The following AGBL4 variants were observed in gnomAD, a reference collection of about 807,000 sequenced individuals.
AGBL4 encodes AGBL carboxypeptidase 4, also known as cytosolic carboxypeptidase 6.
Under a neutral mutation model 66.4 loss-of-function variants are expected in AGBL4, and 58 were observed. That is an observed-to-expected ratio of 0.87 (90% CI 0.71 to 1.09). The LOEUF (loss-of-function observed/expected upper bound fraction) is 1.09. Among genes scored for constraint, AGBL4 ranks in the 50% least tolerant of loss-of-function variants. The probability of loss-of-function intolerance (pLI) is 0.00; values close to 1 mark genes in which losing one functional copy is unlikely to be tolerated. For synonymous variants in AGBL4, 234 were observed against 222.9 expected, an observed-to-expected ratio of 1.05 and a Z score of -0.44; for missense variants, 579 against 631.0, an observed-to-expected ratio of 0.92 and a Z score of 0.88.
At chr1:48,757,433 A>G (rs920031455) in intron 6 of AGBL4, among the ~76,000 whole-genome samples, 1 of 152,186 alleles carries the variant, frequency 6.6e-6, no homozygotes, top group Non-Finnish European at 1.5e-5. Context: ...GTCACTGTGA[A>G]CCTCTGTAGA....
At chr1:49,023,152 T>G (rs767214916) in intron 5 of AGBL4, among the ~76,000 whole-genome samples, 3 of 152,106 alleles carry the variant, frequency 2.0e-5, no homozygotes, top group Non-Finnish European at 2.9e-5. Flanking sequence ...ACTTTTAACT[T>G]AGGAATGGAG....
At chr1:49,903,450 G>A (rs1365082682) in intron 1 of AGBL4, among the ~76,000 whole-genome samples, 1 of 151,916 alleles carries the variant, frequency 6.6e-6, no homozygotes, top group Admixed American at 6.6e-5. Context: ...CCGAACCCCT[G>A]TTACACACAG....
intron 1 of AGBL4, among the ~76,000 whole-genome samples, chr1:50,012,115 C>T (rs1235339272): frequency 6.7e-6 from 1 of 149,226 alleles, no homozygotes; most frequent in Admixed American, 6.7e-5. Context: ...GCGGAGATTG[C>T]GCCACTGCAG....
At chr1:49,480,882 T>C (rs971577257) in intron 3 of AGBL4, among the ~76,000 whole-genome samples, 64 of 152,166 alleles carry the variant, frequency 4.2e-4, no homozygotes, top group African/African-American at 1.5e-3. Flanking sequence ...GCATCATTTA[T>C]TGAATAGCGA....
chr1:48,635,117 T>C (rs1288464831), intron 8 of AGBL4, among the ~76,000 whole-genome samples: 1 of 152,176 alleles, frequency 6.6e-6, no homozygotes, highest in African/African-American at 2.4e-5. Context: ...TACCTGGTCT[T>C]CTTGTCTTCT....
At chr1:49,059,347 G>C (rs977853795) in intron 4 of AGBL4, among the ~76,000 whole-genome samples, 1 of 152,254 alleles carries the variant, frequency 6.6e-6, no homozygotes, top group Non-Finnish European at 1.5e-5. Flanking sequence ...ATGTGGTGTT[G>C]GGCCTATGGG....
intron 3 of AGBL4, among the ~76,000 whole-genome samples, chr1:49,584,755 G>T (rs991592493): frequency 2.0e-5 from 3 of 151,884 alleles, no homozygotes; most frequent in African/African-American, 7.3e-5. Context: ...GTAGCTTCAG[G>T]GTATATCTGC....
chr1:48,525,649 AG>A, the AGBL4 span, among the ~76,000 whole-genome samples: 1 of 152,210 alleles, frequency 6.6e-6, no homozygotes, highest in Non-Finnish European at 1.5e-5. Flanking sequence ...AACTGAAACC[AG>A]TTGAAGCTCT....
chr1:49,103,696 G>C (rs1645243177), intron 4 of AGBL4, among the ~76,000 whole-genome samples: 1 of 152,110 alleles, frequency 6.6e-6, no homozygotes, highest in Admixed American at 6.6e-5. Context: ...ACTGGTACTT[G>C]TGTTACTAAG....
intron 3 of AGBL4, among the ~76,000 whole-genome samples, chr1:49,272,844 G>A (rs1644089928): frequency 6.6e-6 from 1 of 151,938 alleles, no homozygotes; most frequent in Non-Finnish European, 1.5e-5. Context: ...CCTAATACTT[G>A]TCAAGTTCAT....
At chr1:49,508,742 T>C (rs1353186564) in intron 3 of AGBL4, among the ~76,000 whole-genome samples, 2 of 151,920 alleles carry the variant, frequency 1.3e-5, no homozygotes, top group Admixed American at 1.3e-4. Context: ...AAAATAATCA[T>C]GACCATCTCA....
chr1:49,427,846 T>A (rs1645699489), intron 3 of AGBL4, among the ~76,000 whole-genome samples: 5 of 152,200 alleles, frequency 3.3e-5, no homozygotes, highest in Admixed American at 2.6e-4. Flanking sequence ...AATTGGTCCA[T>A]TTTACAGAGT....
chr1:49,079,497 A>C (rs1231435980), intron 4 of AGBL4, among the ~76,000 whole-genome samples: 1 of 152,106 alleles, frequency 6.6e-6, no homozygotes, highest in African/African-American at 2.4e-5. Context: ...GTGAGAACTC[A>C]CTCACTATCA....
At chr1:49,726,238 T>C (rs1379250743) in intron 2 of AGBL4, among the ~76,000 whole-genome samples, 1 of 152,136 alleles carries the variant, frequency 6.6e-6, no homozygotes, top group African/African-American at 2.4e-5. Context: ...ACAGATATGT[T>C]AACTAGAATG....
At chr1:49,942,633 C>T (rs1654867414) in intron 1 of AGBL4, among the ~76,000 whole-genome samples, 1 of 152,054 alleles carries the variant, frequency 6.6e-6, no homozygotes, top group Admixed American at 6.6e-5. Flanking sequence ...TATCCACATG[C>T]AAAAGAATGA....
At chr1:48,616,620 A>G (rs1645323050) in intron 9 of AGBL4, among the ~76,000 whole-genome samples, 1 of 152,188 alleles carries the variant, frequency 6.6e-6, no homozygotes, top group Non-Finnish European at 1.5e-5. Context: ...AAATAAGACT[A>G]CTTTGATAAA....
At chr1:49,287,010 CAG>C (rs1644427447) in intron 3 of AGBL4, among the ~76,000 whole-genome samples, 1 of 151,748 alleles carries the variant, frequency 6.6e-6, no homozygotes, top group Non-Finnish European at 1.5e-5. Flanking sequence ...GGTACCAAAA[CAG>C]AGATATAGAT....
At chr1:48,665,575 G>C (rs1266119300) in intron 6 of AGBL4, among the ~76,000 whole-genome samples, 1 of 152,152 alleles carries the variant, frequency 6.6e-6, no homozygotes, top group African/African-American at 2.4e-5. Flanking sequence ...AGGTCATTCA[G>C]CTAGCAGTGG....
chr1:50,017,473 C>G (rs1662076857), intron 1 of AGBL4: 1 of 152,152 alleles, frequency 6.6e-6, no homozygotes, highest in South Asian at 2.1e-4. Flanking sequence ...CAATCAAATA[C>G]AACTGCGAAA....
Sources: allele counts gnomAD v4.1 joint callset (sites outside exome capture counted in the v4.1 genomes callset), GRCh38; gene constraint gnomAD v4.1.1; transcripts MANE v1.5; gene names NCBI Gene and HGNC (gene_info 2026-07-23, HGNC 2026-07-21).